Variants in ITSN2 observed in about 807,000 individuals in gnomAD.
ITSN2 encodes the protein intersectin 2, also known as intersectin-2.
ITSN2 carries 156 observed loss-of-function variants against 243.7 expected under a neutral mutation model. That is an observed-to-expected ratio of 0.64 (90% CI 0.56 to 0.73). The LOEUF (loss-of-function observed/expected upper bound fraction) is 0.73. Among genes scored for constraint, ITSN2 ranks in the 30% least tolerant of loss-of-function variants. The probability of loss-of-function intolerance (pLI) is 0.00; values close to 1 mark genes in which losing one functional copy is unlikely to be tolerated. For missense variants in ITSN2, 1,801 were observed against 1,996.1 expected (o/e 0.90, Z 1.86); for synonymous variants, 703 against 699.9 (o/e 1.00, Z -0.07).
At chr2:24,301,734 C>A (rs933914486) in intron 10 of ITSN2, among the ~76,000 whole-genome samples, 1 of 151,960 alleles carries the variant, frequency 6.6e-6, no homozygotes, top group Non-Finnish European at 1.5e-5. Flanking sequence ...CTATGTTGTC[C>A]ACGCTGGTCC....
At chr2:24,279,734 T>C (rs997535604) in intron 17 of ITSN2, among the ~76,000 whole-genome samples, 9 of 142,706 alleles carry the variant, frequency 6.3e-5, no homozygotes, top group Non-Finnish European at 9.2e-5. Context: ...TTCTTTTTTT[T>C]TTTTTTTTTT....
At chr2:24,207,028 G>C (rs574273097) in intron 37 of ITSN2, among the ~76,000 whole-genome samples, 1 of 152,154 alleles carries the variant, frequency 6.6e-6, no homozygotes, top group Non-Finnish European at 1.5e-5. Context: ...CCGGGCACAG[G>C]AAAGAGCTAG....
In ITSN2 at chr2:24,319,758, G is replaced by A. The variant is rs536976149; in HGVS notation, c.32-4534C>T. 4.6e-5 allele frequency among the ~76,000 whole-genome samples: 7 copies of A among 152,282 alleles called. No homozygotes were observed. The South Asian group carries it at 1.5e-3, about 32-fold the overall frequency. On this transcript the variant is annotated intron_variant, in intron 2 of 39. Coordinates refer to ENST00000355123, the MANE Select transcript of ITSN2 (RefSeq NM_006277.3). ...CTGATGTAGGTCCCACGGCAGTAGGGGTTGCAGGGGGAATAACTGTAAACA... is the reference window on the plus strand; with the variant it reads ...CTGATGTAGGTCCCACGGCAGTAGGAGTTGCAGGGGGAATAACTGTAAACA...
chr2:24,233,043 A>C (rs753786564), intron 29 of ITSN2, among the ~76,000 whole-genome samples: 1 of 152,224 alleles, frequency 6.6e-6, no homozygotes, highest in Non-Finnish European at 1.5e-5. Context: ...TCACACACAC[A>C]ATTAGGACCT....
At chr2:24,326,308 G>A (rs771296849) in intron 2 of ITSN2, among the ~76,000 whole-genome samples, 17 of 151,958 alleles carry the variant, frequency 1.1e-4, no homozygotes, top group Non-Finnish European at 2.5e-4. Flanking sequence ...TGTTCTCAAT[G>A]TTATATTTTA....
intron 2 of ITSN2, among the ~76,000 whole-genome samples, chr2:24,325,794 C>T (rs1685098970): frequency 6.6e-6 from 1 of 152,176 alleles, no homozygotes; most frequent in South Asian, 2.1e-4. Context: ...TCTCATCTCA[C>T]TTGCTGGCTC....
At chr2:24,347,466 C>T (rs898180093) in intron 1 of ITSN2, among the ~76,000 whole-genome samples, 1 of 152,176 alleles carries the variant, frequency 6.6e-6, no homozygotes, top group African/African-American at 2.4e-5. Context: ...GCAGGTGGAT[C>T]ACCTGAGGTC....
chr2:24,205,102 G>C, intron 38 of ITSN2, 112 bp downstream of exon 38: 2 of 804,222 alleles, frequency 2.5e-6, no homozygotes, highest in South Asian at 2.9e-5. Flanking sequence ...AGCCAAGATC[G>C]TGCCACTGCA....
At chr2:24,315,572 A>C (rs1683808472) in intron 2 of ITSN2, among the ~76,000 whole-genome samples, 1 of 152,228 alleles carries the variant, frequency 6.6e-6, no homozygotes, top group African/African-American at 2.4e-5. Flanking sequence ...CCTAAGCAGA[A>C]CTATATACTG....
Position 24,251,347 on chromosome 2 carries a change from A to ATATG in ITSN2, c.3120+997_3120+998insCATA, listed in dbSNP as rs1553355988. Among the ~76,000 whole-genome samples the ATATG allele has an allele frequency of 7.8e-4, 2 of 2,576 alleles. 1 individual carries two copies. The highest frequency in any genetic ancestry group is 1.6e-3 in the Non-Finnish European group (2 of 1,288). The allele number at this position is 2,576 out of a possible 152,430, so 1.7% of individuals were successfully genotyped here. Reference sequence around the variant, plus strand: ...AAATAAAATATATATATATATATATATGTGTGTGTGTGTGTGTGTGTGTGT... The same window carrying ATATG: ...AAATAAAATATATATATATATATATATATGTGTGTGTGTGTGTGTGTGTGTGTGT... On this transcript the variant is annotated intron_variant, in intron 25 of 39. Coordinates refer to ENST00000355123, the MANE Select transcript of ITSN2 (RefSeq NM_006277.3).
intron 1 of ITSN2, among the ~76,000 whole-genome samples, chr2:24,340,480 C>CAA (rs953572108): frequency 2.4e-5 from 3 of 125,968 alleles, no homozygotes; most frequent in Admixed American, 8.1e-5. Context: ...AACTCCATCT[C>CAA]AAAAAAAAAA....
intron 29 of ITSN2, among the ~76,000 whole-genome samples, chr2:24,242,544 A>G (rs1672847733): frequency 6.6e-6 from 1 of 152,172 alleles, no homozygotes; most frequent in Non-Finnish European, 1.5e-5. Context: ...ATCCTATTAA[A>G]ATTATAGGTT....
At chr2:24,268,468 T>A (rs1222902249) in intron 20 of ITSN2, among the ~76,000 whole-genome samples, 1 of 152,162 alleles carries the variant, frequency 6.6e-6, no homozygotes, top group East Asian at 1.9e-4. Flanking sequence ...ATCTTCCTCA[T>A]CTCCATCTAT....
chr2:24,215,665 T>TA (rs59939223), intron 32 of ITSN2, among the ~76,000 whole-genome samples: 2,843 of 128,598 alleles, frequency 0.022, 97 homozygotes, highest in African/African-American at 0.071. Flanking sequence ...AGATTCTGTT[T>TA]AAAAAAAAAA....
rs191400190 is a variant in ITSN2, at chr2:24,304,801, A to T, written c.794-939T>A. On this transcript the variant is annotated intron_variant, in intron 8 of 39. Transcript: ENST00000355123. ...GGAGGAATGTAAATGGTTAAAAATC[A>T]TACTCGTGGAGGGCTTTATATGTGT... is the stretch of plus-strand genomic sequence containing the variant. 5.9e-5 allele frequency among the ~76,000 whole-genome samples: 9 copies of T among 152,320 alleles called. No homozygotes were observed. The East Asian group carries it at 1.7e-3, about 29-fold the overall frequency.
In ITSN2 at chr2:24,305,425, A is replaced by C. The variant is rs1437788242; in HGVS notation, c.794-1563T>G. ...GAGACCAGCCTGGCCAACATGGCAA[A>C]ACCTGTCTCTACTAAGAAAAATTAG... On this transcript the variant is annotated intron_variant, in intron 8 of 39. Coordinates refer to ENST00000355123, the MANE Select transcript of ITSN2 (RefSeq NM_006277.3). Among the ~76,000 whole-genome samples the C allele has an allele frequency of 3.3e-5, 5 of 152,036 alleles. No homozygotes were observed. The East Asian group carries it at 7.7e-4, about 24-fold the overall frequency.
At chr2:24,210,108 G>A (rs1192280913) in intron 34 of ITSN2, 75 bp from the exon 35 acceptor site, 1 of 1,053,220 alleles carries the variant, frequency 9.5e-7, no homozygotes, top group Non-Finnish European at 1.4e-6. Context: ...CCAGTGCCCT[G>A]GGCCTGAGGA....
chr2:24,290,103 T>C (rs1680063336), intron 15 of ITSN2, among the ~76,000 whole-genome samples: 1 of 152,234 alleles, frequency 6.6e-6, no homozygotes, highest in South Asian at 2.1e-4. Context: ...TTGTCTTTCA[T>C]TCTGTTAATG....
At chr2:24,220,862 G>C in intron 30 of ITSN2, 83 bp downstream of exon 30, 3 of 1,493,912 alleles carry the variant, frequency 2.0e-6, no homozygotes, top group East Asian at 2.5e-5. Context: ...ACTCTGCGTG[G>C]AGGCAGCCCT....
Sources: allele counts gnomAD v4.1 joint callset (sites outside exome capture counted in the v4.1 genomes callset), GRCh38; gene constraint gnomAD v4.1.1; transcripts MANE v1.5; gene names NCBI Gene and HGNC (gene_info 2026-07-23, HGNC 2026-07-21).